The following EDA variants were observed in gnomAD, a reference collection of about 807,000 sequenced individuals.
The protein encoded by EDA is ectodysplasin A.
A neutral mutation model predicts 23.6 loss-of-function variants in EDA; 2 were observed. The observed-to-expected ratio is 0.08, with a 90% CI of 0.03 to 0.27. The LOEUF (loss-of-function observed/expected upper bound fraction) is 0.27, where lower values mean the gene tolerates loss of function less well. EDA is among the 10% of genes least tolerant of loss of function. The pLI is 1.00. For missense variants in EDA, 229 were observed against 324.2 expected (o/e 0.71, Z 2.26); for synonymous variants, 131 against 132.0 (o/e 0.99, Z 0.05).
intron 1 of EDA, among the ~76,000 whole-genome samples, chrX:69,927,584 T>G (rs2018540261): frequency 9.0e-6 from 1 of 111,115 alleles, no homozygotes; most frequent in Non-Finnish European, 1.9e-5. Context: ...CCCTTAACAC[T>G]TTTTCCTTCA....
chrX:69,697,155 C>A (rs1257850009), intron 1 of EDA, among the ~76,000 whole-genome samples: 1 of 111,692 alleles, frequency 9.0e-6, no homozygotes, highest in Non-Finnish European at 1.9e-5. Flanking sequence ...CCTAAAATGG[C>A]GTCAGCACCA....
At chrX:69,951,872 AT>A (rs1272263768) in intron 1 of EDA, among the ~76,000 whole-genome samples, 6 of 111,728 alleles carry the variant, frequency 5.4e-5, no homozygotes, top group Non-Finnish European at 9.4e-5. Flanking sequence ...AAAGAATTAG[AT>A]TTTTTTCCCC....
At chrX:69,968,171 G>C (rs1165262463) in intron 2 of EDA, among the ~76,000 whole-genome samples, 1 of 111,642 alleles carries the variant, frequency 9.0e-6, no homozygotes, top group African/African-American at 3.3e-5. Flanking sequence ...TGATAGATAA[G>C]TACTTACATA....
intron 1 of EDA, among the ~76,000 whole-genome samples, chrX:69,881,506 A>C (rs887899113): frequency 2.0e-4 from 22 of 111,475 alleles, no homozygotes; most frequent in Admixed American, 4.8e-4. Context: ...CCAACACATC[A>C]CAGGACTCCC....
At chrX:69,771,380 G>A (rs909456849) in intron 1 of EDA, among the ~76,000 whole-genome samples, 1 of 111,345 alleles carries the variant, frequency 9.0e-6, no homozygotes. Flanking sequence ...ATTTTTATAC[G>A]TAGTACTCCT....
At chrX:69,709,846 T>A (rs2011901011) in intron 1 of EDA, among the ~76,000 whole-genome samples, 1 of 110,167 alleles carries the variant, frequency 9.1e-6, no homozygotes, top group East Asian at 2.9e-4. Context: ...TGTAGATTCT[T>A]TTTTTTTTCT....
intron 1 of EDA, among the ~76,000 whole-genome samples, chrX:69,623,640 A>G (rs1932271082): frequency 9.6e-6 from 1 of 104,081 alleles, no homozygotes; most frequent in Admixed American, 1.0e-4. Context: ...TTCTCTCTAT[A>G]CTTCATTCTA....
At chrX:69,754,750 T>C (rs889686946) in intron 1 of EDA, among the ~76,000 whole-genome samples, 4 of 111,531 alleles carry the variant, frequency 3.6e-5, no homozygotes, top group African/African-American at 9.8e-5. Flanking sequence ...TCTTGGAGAC[T>C]TTCTTTCTTT....
At chrX:69,620,007 TA>T (rs1449447410) in intron 1 of EDA, among the ~76,000 whole-genome samples, 1 of 111,705 alleles carries the variant, frequency 9.0e-6, no homozygotes, top group Non-Finnish European at 1.9e-5. Context: ...AAAACCCCAT[TA>T]AATTGATCAA....
chrX:69,937,547 G>C, intron 1 of EDA: 14 of 1,078,886 alleles, frequency 1.3e-5, no homozygotes, highest in Non-Finnish European at 1.5e-5. Flanking sequence ...TGTAACTGCT[G>C]TGAAATGACA....
intron 1 of EDA, among the ~76,000 whole-genome samples, chrX:69,788,653 A>C (rs2015288882): frequency 8.9e-6 from 1 of 112,514 alleles, no homozygotes; most frequent in African/African-American, 3.2e-5. Context: ...GCCCGTTCTC[A>C]GATCTCCAGC....
intron 1 of EDA, among the ~76,000 whole-genome samples, chrX:69,669,726 A>T (rs1249753000): frequency 3.6e-5 from 4 of 109,986 alleles, no homozygotes; most frequent in Non-Finnish European, 5.7e-5. Flanking sequence ...GTTAACTGGG[A>T]ATATTGCATG....
chrX:69,905,448 C>T (rs894500734), intron 1 of EDA, among the ~76,000 whole-genome samples: 4 of 108,688 alleles, frequency 3.7e-5, no homozygotes, highest in African/African-American at 6.7e-5. Context: ...TTTTTAATGC[C>T]GAAAACCCAG....
At chrX:69,824,355 G>A (rs1406472021) in intron 1 of EDA, among the ~76,000 whole-genome samples, 1 of 109,083 alleles carries the variant, frequency 9.2e-6, no homozygotes, top group Non-Finnish European at 1.9e-5. Context: ...CCATTTGTTT[G>A]TATCCTCTTT....
intron 1 of EDA, among the ~76,000 whole-genome samples, chrX:69,736,148 C>T (rs774570693): frequency 2.8e-5 from 3 of 108,632 alleles, no homozygotes; most frequent in African/African-American, 6.7e-5. Context: ...CTCTACTAAA[C>T]ATACAAAATT....
chrX:69,648,314 G>A (rs146886764), intron 1 of EDA, among the ~76,000 whole-genome samples: 2 of 112,077 alleles, frequency 1.8e-5, no homozygotes, highest in African/African-American at 6.5e-5. Flanking sequence ...CCAAACCTCA[G>A]AGATGGAGGC....
chrX:69,817,901 C>G (rs2016117811), intron 1 of EDA, among the ~76,000 whole-genome samples: 1 of 111,847 alleles, frequency 8.9e-6, no homozygotes, highest in Non-Finnish European at 1.9e-5. Context: ...AACTCTCCAC[C>G]TCAAAACAAC....
intron 1 of EDA, among the ~76,000 whole-genome samples, chrX:69,802,311 A>G (rs1418777658): frequency 5.5e-5 from 6 of 109,112 alleles, no homozygotes; most frequent in Non-Finnish European, 3.8e-5. Flanking sequence ...TATCCTCAAC[A>G]ATTCTATTGC....
chrX:69,772,629 CCCCT>C (rs1043645944), intron 1 of EDA, among the ~76,000 whole-genome samples: 8 of 110,719 alleles, frequency 7.2e-5, no homozygotes, highest in African/African-American at 2.6e-4. Flanking sequence ...AACTCCTGTG[CCCCT>C]CCCTCCCTCC....
Sources: allele counts gnomAD v4.1 joint callset (sites outside exome capture counted in the v4.1 genomes callset), GRCh38; gene constraint gnomAD v4.1.1; transcripts MANE v1.5; gene names NCBI Gene and HGNC (gene_info 2026-07-23, HGNC 2026-07-21).